GADL1: variants seen among roughly 807,000 people sequenced by gnomAD.
The protein encoded by GADL1 is acidic amino acid decarboxylase GADL1.
Under a neutral mutation model 69.5 loss-of-function variants are expected in GADL1, and 71 were observed. That is an observed-to-expected ratio of 1.02 (90% CI 0.84 to 1.25). The LOEUF (loss-of-function observed/expected upper bound fraction) is 1.25, where lower values mean the gene tolerates loss of function less well. Ranked by LOEUF, GADL1 falls within the 50% of genes most tolerant of loss-of-function variation. The pLI is 0.00. For synonymous variants in GADL1, 254 were observed against 214.4 expected (o/e 1.18, Z -1.62); for missense variants, 737 against 631.8 (o/e 1.17, Z -1.79).
intron 8 of GADL1, among the ~76,000 whole-genome samples, chr3:30,843,210 G>A (rs1052087039): frequency 6.6e-6 from 1 of 151,462 alleles, no homozygotes; most frequent in African/African-American, 2.4e-5. Context: ...AATCTAGCAG[G>A]CTTTTGGTCC....
intron 14 of GADL1, among the ~76,000 whole-genome samples, chr3:30,740,055 T>C (rs1695594015): frequency 6.6e-6 from 1 of 152,172 alleles, no homozygotes; most frequent in Non-Finnish European, 1.5e-5. Flanking sequence ...TAAATCATGA[T>C]GTTTCTATTG....
intron 11 of GADL1, among the ~76,000 whole-genome samples, chr3:30,801,303 A>G (rs541638118): frequency 6.6e-6 from 1 of 152,310 alleles, no homozygotes; most frequent in South Asian, 2.1e-4. Flanking sequence ...TGACAATGCT[A>G]AAATCCATCT....
chr3:30,800,806 G>GACACACACACACACAC lies in GADL1; in HGVS notation c.1250+67_1250+82dup, dbSNP rs35529398. The GACACACACACACACAC allele has an allele frequency of 1.8e-5, 13 of 727,060 alleles. No individual in the cohort carries two copies. The African/African-American group carries it at 2.1e-4, about 12-fold the overall frequency. 45.0% of individuals were successfully genotyped at this position (727,060 alleles called of 1,614,324 possible). A position where few individuals can be genotyped will look rare whatever the true frequency, so the allele number is the denominator to read the frequency against. On this transcript the variant is annotated intron_variant, in intron 12 of 14. Coordinates refer to ENST00000282538, the MANE Select transcript of GADL1 (RefSeq NM_207359.3). ...GGTCTTCCTATTACAGACACAGATA[G>GACACACACACACACAC]ACACACACACACACACACACACACA...
intron 13 of GADL1, among the ~76,000 whole-genome samples, chr3:30,785,342 A>C (rs935622651): frequency 6.6e-6 from 1 of 151,168 alleles, no homozygotes; most frequent in African/African-American, 2.4e-5. Flanking sequence ...TGTTCAATGC[A>C]TCTTATTGAA....
intron 14 of GADL1, among the ~76,000 whole-genome samples, chr3:30,757,482 A>G (rs1350457951): frequency 6.6e-6 from 1 of 152,232 alleles, no homozygotes; most frequent in East Asian, 1.9e-4. Flanking sequence ...CTTTATGAGC[A>G]GGTATATCCT....
chr3:30,780,433 A>G (rs1009036203), intron 13 of GADL1, among the ~76,000 whole-genome samples: 1 of 152,244 alleles, frequency 6.6e-6, no homozygotes, highest in East Asian at 1.9e-4. Flanking sequence ...GCTGCTCTCT[A>G]TATCAGCTAC....
At chr3:30,849,697 C>G (rs563719172) in intron 6 of GADL1, among the ~76,000 whole-genome samples, 10 of 152,176 alleles carry the variant, frequency 6.6e-5, no homozygotes, top group Middle Eastern at 6.8e-3. Context: ...CATCTAAGTA[C>G]TAACAAATAA....
chr3:30,768,682 T>A (rs965396474), intron 14 of GADL1, among the ~76,000 whole-genome samples: 3 of 152,012 alleles, frequency 2.0e-5, no homozygotes, highest in African/African-American at 7.3e-5. Context: ...GGAGAAGGGA[T>A]GTGACTTCCT....
chr3:30,830,194 G>T (rs879629389), intron 11 of GADL1, among the ~76,000 whole-genome samples: 11 of 151,896 alleles, frequency 7.2e-5, no homozygotes, highest in Middle Eastern at 3.4e-3. Context: ...ACCTCATTCT[G>T]GAGGGGTCCT....
chr3:30,788,662 C>A (rs1255300674), intron 12 of GADL1, among the ~76,000 whole-genome samples: 1 of 152,212 alleles, frequency 6.6e-6, no homozygotes, highest in African/African-American at 2.4e-5. Flanking sequence ...GAACTTCTTT[C>A]AAAATTAGTC....
intron 11 of GADL1, among the ~76,000 whole-genome samples, chr3:30,804,155 A>T (rs1049622350): frequency 1.3e-5 from 2 of 152,212 alleles, no homozygotes; most frequent in Non-Finnish European, 2.9e-5. Context: ...AAATCTAGTC[A>T]TATATAATCT....
intron 9 of GADL1, among the ~76,000 whole-genome samples, chr3:30,837,562 T>G (rs750695260): frequency 5.3e-5 from 8 of 152,136 alleles, no homozygotes; most frequent in Non-Finnish European, 1.0e-4. Flanking sequence ...CCCATAAATC[T>G]CTTAATGTCA....
At chr3:30,767,225 T>G (rs190736440) in intron 14 of GADL1, among the ~76,000 whole-genome samples, 371 of 152,290 alleles carry the variant, frequency 2.4e-3, no homozygotes, top group African/African-American at 8.6e-3. Flanking sequence ...TACTTCAGAA[T>G]CAGTGATTTA....
chr3:30,730,191 T>A (rs1695434783), intron 14 of GADL1, among the ~76,000 whole-genome samples: 1 of 152,206 alleles, frequency 6.6e-6, no homozygotes, highest in African/African-American at 2.4e-5. Context: ...CTTATACATA[T>A]CTGCTTCAAA....
chr3:30,874,404 G>A (rs1482954766), intron 1 of GADL1, among the ~76,000 whole-genome samples: 1 of 151,918 alleles, frequency 6.6e-6, no homozygotes, highest in Non-Finnish European at 1.5e-5. Flanking sequence ...ACTGGCCTGG[G>A]TTATTCCTCA....
chr3:30,889,084 T>TA (rs60227313), intron 1 of GADL1, among the ~76,000 whole-genome samples: 3,181 of 32,890 alleles, frequency 0.097, 387 homozygotes, highest in Non-Finnish European at 0.12. Context: ...CGGTAATCTA[T>TA]AAAAAAAAAA....
intron 14 of GADL1, among the ~76,000 whole-genome samples, chr3:30,740,287 C>A (rs947879329): frequency 1.3e-5 from 2 of 152,046 alleles, no homozygotes; most frequent in African/African-American, 4.8e-5. Context: ...TATTCAAGAT[C>A]TTTTTTTGGG....
intron 1 of GADL1, among the ~76,000 whole-genome samples, chr3:30,863,077 ACT>A (rs775184195): frequency 6.0e-5 from 9 of 148,972 alleles, no homozygotes; most frequent in South Asian, 2.1e-4. Context: ...TCACACACTC[ACT>A]CTCTCTCTCT....
chr3:30,865,513 C>T (rs188119825), intron 1 of GADL1, among the ~76,000 whole-genome samples: 4 of 151,960 alleles, frequency 2.6e-5, no homozygotes, highest in African/African-American at 4.8e-5. Context: ...CTTGAGATGC[C>T]GTCGCAGGTT....
Sources: allele counts gnomAD v4.1 joint callset (sites outside exome capture counted in the v4.1 genomes callset), GRCh38; gene constraint gnomAD v4.1.1; transcripts MANE v1.5; gene names NCBI Gene and HGNC (gene_info 2026-07-23, HGNC 2026-07-21).